SETD2: variants seen among roughly 807,000 people sequenced by gnomAD.
SETD2 encodes histone-lysine N-methyltransferase SETD2.
A neutral mutation model predicts 242.1 loss-of-function variants in SETD2; 31 were observed. That is an observed-to-expected ratio of 0.13 (90% CI 0.10 to 0.17). The LOEUF (loss-of-function observed/expected upper bound fraction) is 0.17, where lower values mean the gene tolerates loss of function less well. Ranked by LOEUF, SETD2 falls within the 10% of genes least tolerant of loss-of-function variation. SETD2 has a pLI of 1.00. For missense variants in SETD2, 2,481 were observed against 3,046.3 expected (o/e 0.81, Z 4.37); for synonymous variants, 1,006 against 1,066.5 (o/e 0.94, Z 1.11).
intron 1 of SETD2, among the ~76,000 whole-genome samples, chr3:47,141,867 T>G (rs2043737546): frequency 6.8e-6 from 1 of 147,482 alleles, no homozygotes; most frequent in Non-Finnish European, 1.5e-5. Context: ...AGTTTAAGCA[T>G]TTTTTTTTCA....
chr3:47,058,820 A>G (rs532788298), intron 14 of SETD2, among the ~76,000 whole-genome samples: 1 of 151,018 alleles, frequency 6.6e-6, no homozygotes, highest in African/African-American at 2.4e-5. Context: ...TTTGAGATGG[A>G]GTCTCACTCT....
rs1382765308 is a variant in SETD2, at chr3:47,163,902, G to A, written c.23C>T (p.Pro8Leu). The change falls in exon 1 of 21, where the codon CCG becomes CTG. Residue 8 changes from proline to leucine, a missense_variant. Around this residue, in one of 17 missense-constraint regions of SETD2, gnomAD observed 334 missense variants for 374.5 expected, o/e 0.89. Coordinates refer to ENST00000409792, the MANE Select transcript of SETD2 (RefSeq NM_014159.7). ...GTAGAAATCCCCCATCTTCGGAGGC[G>A]GCTGCGGCTGCAGCTGCTTCATCGG... MKQLQPQ[P>L]PPKMGDFYDP... 7.6e-7 allele frequency: 1 copy of A among 1,315,130 alleles called. No individual in the cohort carries two copies. The highest frequency in any genetic ancestry group is 3.0e-5 in the South Asian group (1 of 32,968). 81.5% of individuals were successfully genotyped at this position (1,315,130 alleles called of 1,614,324 possible). A position where few individuals can be genotyped will look rare whatever the true frequency, so the allele number is the denominator to read the frequency against.
intron 16 of SETD2, among the ~76,000 whole-genome samples, chr3:47,046,059 C>A (rs1252625734): frequency 6.6e-6 from 1 of 151,734 alleles, no homozygotes; most frequent in Non-Finnish European, 1.5e-5. Context: ...ACGGGCCGGG[C>A]GTGGTGGCTC....
At chr3:47,124,569 C>T (rs1395388552) in intron 2 of SETD2, 21 bp from the exon 3 acceptor site, 1 of 1,518,632 alleles carries the variant, frequency 6.6e-7, no homozygotes, top group Non-Finnish European at 8.9e-7. Flanking sequence ...ACAAAATAAG[C>T]AATTACTACT....
chr3:47,038,306 C>G (rs1394833939), intron 17 of SETD2, among the ~76,000 whole-genome samples: 1 of 152,080 alleles, frequency 6.6e-6, no homozygotes, highest in African/African-American at 2.4e-5. Context: ...AAGAAAAATA[C>G]GTACAGGTTA....
chr3:47,017,270 G>C lies in SETD2; in HGVS notation c.7534-16C>G, dbSNP rs1321363977. 1 of 1,613,378 alleles carries C rather than the reference G, an allele frequency of 6.2e-7. No individual in the cohort carries two copies. The highest frequency in any genetic ancestry group is 2.2e-5 in the East Asian group (1 of 44,884). On this transcript the variant is annotated splice_polypyrimidine_tract_variant and intron_variant, in intron 20 of 20. Coordinates refer to ENST00000409792, the MANE Select transcript of SETD2 (RefSeq NM_014159.7). This position sits in a 1 kb window ranked among gnomAD's most constrained non-coding sequence, Gnocchi z 4.8. ...CGTGAGTCAGCTGTCCAGGGCACAG[G>C]AAGAGAGACCACAGCCACCAATCAG... is the stretch of plus-strand genomic sequence containing the variant.
intron 6 of SETD2, among the ~76,000 whole-genome samples, chr3:47,105,457 A>AG (rs959727955): frequency 6.6e-5 from 10 of 151,278 alleles, no homozygotes; most frequent in African/African-American, 2.4e-4. Context: ...ATAATTTCTA[A>AG]GAGTTGTAAT....
intron 16 of SETD2, among the ~76,000 whole-genome samples, chr3:47,046,086 C>G (rs1003751237): frequency 4.0e-5 from 6 of 151,704 alleles, no homozygotes; most frequent in African/African-American, 1.5e-4. Flanking sequence ...ATAAATAATC[C>G]CAGCACTTTG....
intron 11 of SETD2, 47 bp downstream of exon 11, chr3:47,086,148 A>C (rs1331611974): frequency 1.2e-6 from 2 of 1,601,772 alleles, no homozygotes; most frequent in South Asian, 2.2e-5. Flanking sequence ...AACCGAGGCA[A>C]TCAATATAAC....
At position 47,121,292 on chromosome 3, in the gene SETD2, T is replaced by C. The variant is rs1353181454; in HGVS notation, c.3344A>G (p.Glu1115Gly). 1 of 1,613,182 alleles carries C rather than the reference T, an allele frequency of 6.2e-7. No homozygotes were observed. Among genetic ancestry groups the C allele is most frequent in the Non-Finnish European group, 8.5e-7 (1 of 1,180,004 alleles). Reference sequence around the variant, plus strand: ...TTTACTTGCTATACTTTCAAATTTTTCCTCATACAAATGTCTCCTTGACTC... The same window carrying C: ...TTTACTTGCTATACTTTCAAATTTTCCCTCATACAAATGTCTCCTTGACTC... ...RLESRRHLYE[E>G]KFESIASKAC... Residue 1115 changes from glutamate to glycine, a missense_variant, in exon 3 of 21, where the codon GAA becomes GGA. Physicochemically the swap from Glu to Gly is moderately conservative, Grantham distance 98. Transcript: ENST00000409792.
At chr3:47,163,803 C>T in intron 1 of SETD2, 51 bp downstream of exon 1, 1 of 1,240,600 alleles carries the variant, frequency 8.1e-7, no homozygotes, top group Non-Finnish European at 1.0e-6. Context: ...CCGCCCTCGG[C>T]TGGGGATAAG....
chr3:47,123,824 A>C lies in SETD2; in HGVS notation c.812T>G (p.Leu271Trp), dbSNP rs1373568830. Residue 271 changes from leucine to tryptophan, a missense_variant, in exon 3 of 21, where the codon TTG (leucine) becomes TGG (tryptophan). Physicochemically the swap from Leu to Trp is moderately conservative, Grantham distance 61 (BLOSUM62 -2). This residue lies in a region of SETD2 where 334 missense variants were observed against 374.5 expected (regional missense o/e 0.89). Coordinates refer to ENST00000409792, the MANE Select transcript of SETD2 (RefSeq NM_014159.7). Reference protein sequence around the residue: ...NSLEEHVTQILNEQADISSKK... With the variant: ...NSLEEHVTQIWNEQADISSKK... ...TGAGGAAATATCTGCTTGCTCATTC[A>C]ATATTTGAGTTACGTGTTCTTCTAA... The C allele has an allele frequency of 1.1e-5, 17 of 1,547,772 alleles. 1 individual carries two copies. In the South Asian group the frequency reaches 2.0e-4, roughly 18 times the overall value.
chr3:47,141,664 A>C (rs1034065394), intron 1 of SETD2, among the ~76,000 whole-genome samples: 5 of 152,210 alleles, frequency 3.3e-5, no homozygotes, highest in Non-Finnish European at 5.9e-5. Context: ...TTTGTTATAA[A>C]GAAAAAATAA....
At chr3:47,149,592 AT>A (rs1046413390) in intron 1 of SETD2, among the ~76,000 whole-genome samples, 2 of 152,038 alleles carry the variant, frequency 1.3e-5, no homozygotes, top group Non-Finnish European at 2.9e-5. Flanking sequence ...TGCCTACTCC[AT>A]TTTTGCCTAA....
chr3:47,128,594 G>A (rs1054843492), intron 1 of SETD2, among the ~76,000 whole-genome samples: 3 of 152,178 alleles, frequency 2.0e-5, no homozygotes, highest in Non-Finnish European at 4.4e-5. Flanking sequence ...GACAGGGGGA[G>A]AGGGGGCAGT....
At chr3:47,029,490 A>C (rs924919670) in intron 18 of SETD2, among the ~76,000 whole-genome samples, 1 of 151,760 alleles carries the variant, frequency 6.6e-6, no homozygotes, top group South Asian at 2.1e-4. Context: ...AAGCAAAAAA[A>C]AAAAACAAAA....
rs1448864045 is a variant in SETD2 at position 47,058,465 on chromosome 3, C to CAAAAAAA, written c.6294-976_6294-975insTTTTTTT. On this transcript the variant is annotated intron_variant, in intron 14 of 20. Transcript: ENST00000409792. ...CAAAAAAAAAAAAAAAAAAAAAAAA[C>CAAAAAAA]ACAAAGAGGGAGAATATTCACATAA... Among the ~76,000 whole-genome samples, 197 of 76,130 alleles carry CAAAAAAA rather than the reference C, an allele frequency of 2.6e-3. 3 individuals are homozygous for CAAAAAAA. The highest frequency in any genetic ancestry group is 0.01 in the Admixed American group (58 of 5,588). The allele number at this position is 76,130 out of a possible 152,430, so 49.9% of individuals were successfully genotyped here.
At chr3:47,042,492 C>G (rs756248715) in intron 17 of SETD2, 69 bp downstream of exon 17, 2 of 1,509,684 alleles carry the variant, frequency 1.3e-6, no homozygotes, top group Non-Finnish European at 1.8e-6. Context: ...CTGTAAAACT[C>G]CCCTTATAGT....
intron 1 of SETD2, among the ~76,000 whole-genome samples, chr3:47,161,473 G>T (rs576028944): frequency 6.6e-6 from 1 of 152,050 alleles, no homozygotes; most frequent in African/African-American, 2.4e-5. Context: ...TCAAGAGTTT[G>T]CTGTCACTTC....
Sources: gnomAD v4.1 joint callset for allele counts (sites outside exome capture counted in the v4.1 genomes callset) on GRCh38, gnomAD v4.1.1 for gene constraint, gnomAD v4.1.1 regional missense constraint, Gnocchi (gnomAD v3.1) non-coding constraint, MANE v1.5 for transcripts, NCBI Gene and HGNC (gene_info 2026-07-23, HGNC 2026-07-21) for gene names.